The following DGKI variants were observed in gnomAD, a reference collection of about 807,000 sequenced individuals.
DGKI encodes the protein diacylglycerol kinase iota.
Under a neutral mutation model 147.5 loss-of-function variants are expected in DGKI, and 55 were observed. That is an observed-to-expected ratio of 0.37 (90% CI 0.30 to 0.47). The LOEUF (loss-of-function observed/expected upper bound fraction) is 0.47, where lower values mean the gene tolerates loss of function less well. DGKI is among the 20% of genes least tolerant of loss of function. The pLI, the probability that DGKI is intolerant of heterozygous loss-of-function variation, is 1.00. For synonymous variants in DGKI, 469 were observed against 477.1 expected (o/e 0.98, Z 0.22); for missense variants, 1,007 against 1,323.8 (o/e 0.76, Z 3.71).
intron 20 of DGKI, among the ~76,000 whole-genome samples, chr7:137,547,403 T>C (rs1817901241): frequency 6.6e-6 from 1 of 152,232 alleles, no homozygotes; most frequent in Admixed American, 6.5e-5. Context: ...GAAGATCTAG[T>C]GGCATCATGA....
Position 137,387,827 on chromosome 7 carries a change from A to G in DGKI, c.*3393T>C, listed in dbSNP as rs1196158231. 1 of 152,202 alleles carries G rather than the reference A, an allele frequency of 6.6e-6. No individual in the cohort carries two copies. The highest frequency in any genetic ancestry group is 6.5e-5 in the Admixed American group (1 of 15,270). 9.4% of individuals were successfully genotyped at this position (152,202 alleles called of 1,614,324 possible). ...ATTATTAATAAAATTGACATGTAAT[A>G]AAATAAAGATGCTGTGTCATTTTTT... On this transcript the variant is annotated 3_prime_UTR_variant, in exon 33 of 33. Transcript: ENST00000614521.
At chr7:137,398,119 T>A (rs1328364022) in intron 30 of DGKI, among the ~76,000 whole-genome samples, 4 of 152,176 alleles carry the variant, frequency 2.6e-5, no homozygotes, top group African/African-American at 4.8e-5. Flanking sequence ...TTTTTCCCCA[T>A]AAAGCCCTTC....
Position 137,554,687 on chromosome 7 carries a change from T to A in DGKI, c.1948-2119A>T, listed in dbSNP as rs539680263. Among the ~76,000 whole-genome samples the A allele has an allele frequency of 8.5e-5, 13 of 152,098 alleles. No homozygotes were observed. In the South Asian group the frequency reaches 2.7e-3, roughly 32 times the overall value. Reference sequence around the variant, plus strand: ...GCTGTCAGATGGAAAGAACAGGCAATCCTGGGTTGGGGGAGGGGTGAAGCA... The same window carrying A: ...GCTGTCAGATGGAAAGAACAGGCAAACCTGGGTTGGGGGAGGGGTGAAGCA... On this transcript the variant is annotated intron_variant, in intron 19 of 32. Coordinates refer to ENST00000614521, the MANE Select transcript of DGKI (RefSeq NM_001321708.2).
chr7:137,449,349 CT>C (rs1229020513), intron 27 of DGKI, among the ~76,000 whole-genome samples: 1 of 152,176 alleles, frequency 6.6e-6, no homozygotes, highest in Non-Finnish European at 1.5e-5. Flanking sequence ...TTATAGCCAA[CT>C]GATTTTCAGC....
rs1175387892 is a variant in DGKI, at chr7:137,552,661, C to T, written c.1948-93G>A. 5.1e-6 allele frequency: 7 copies of T among 1,370,816 alleles called. No homozygotes were observed. The Admixed American group carries it at 1.3e-4, about 25-fold the overall frequency. 84.9% of individuals were successfully genotyped at this position (1,370,816 alleles called of 1,614,324 possible). On this transcript the variant is annotated intron_variant, in intron 19 of 32. Transcript: ENST00000614521. ...CTGTGGCTCATGCCTGTAATCCCAGCACTTTGGGAGACCAAGGCAGGTGGA... is the reference window on the plus strand; with the variant it reads ...CTGTGGCTCATGCCTGTAATCCCAGTACTTTGGGAGACCAAGGCAGGTGGA...
chr7:137,482,394 T>TC (rs374393694), intron 23 of DGKI, among the ~76,000 whole-genome samples: 2 of 151,996 alleles, frequency 1.3e-5, no homozygotes, highest in African/African-American at 4.8e-5. Flanking sequence ...CAGTGGGCCC[T>TC]CCTCTTTAAC....
chr7:137,493,329 G>T (rs1245677989), intron 21 of DGKI, among the ~76,000 whole-genome samples: 1 of 152,158 alleles, frequency 6.6e-6, no homozygotes, highest in Non-Finnish European at 1.5e-5. Flanking sequence ...GGAAGCCCCT[G>T]GCTCACCAGG....
intron 28 of DGKI, among the ~76,000 whole-genome samples, chr7:137,439,985 G>T (rs1813433083): frequency 6.6e-6 from 1 of 152,176 alleles, no homozygotes; most frequent in African/African-American, 2.4e-5. Context: ...GAGTGTGCTG[G>T]CACAGGTAGC....
chr7:137,840,786 A>T lies in DGKI; in HGVS notation c.401+5676T>A, dbSNP rs150741610. On this transcript the variant is annotated intron_variant, in intron 1 of 32. Transcript: ENST00000614521. ...ATGAATAACAGTAGTAATTTATTTT[A>T]AAATGCCAATGAAATGTATTTATTC... 4.4e-3 allele frequency among the ~76,000 whole-genome samples: 664 copies of T among 152,380 alleles called. 5 individuals are homozygous for T. Among genetic ancestry groups the T allele is most frequent in the African/African-American group, 0.015 (643 of 41,584 alleles).
At chr7:137,620,001 G>T in intron 7 of DGKI, 61 bp from the exon 8 acceptor site, 77 of 825,906 alleles carry the variant, frequency 9.3e-5, no homozygotes, top group Middle Eastern at 3.4e-4. Flanking sequence ...CAGCAAGAAG[G>T]GATAAATATG....
chr7:137,502,574 AG>A (rs1334355382), intron 21 of DGKI, among the ~76,000 whole-genome samples: 4 of 152,068 alleles, frequency 2.6e-5, no homozygotes, highest in African/African-American at 9.7e-5. Context: ...GAGGGCAAGG[AG>A]GAAGGAGAAA....
chr7:137,670,920 T>G (rs1252835213), intron 3 of DGKI, among the ~76,000 whole-genome samples: 2 of 152,206 alleles, frequency 1.3e-5, no homozygotes, highest in Non-Finnish European at 2.9e-5. Flanking sequence ...TGGTGCTCCA[T>G]GTTACACACC....
At chr7:137,695,100 C>T (rs948017089) in intron 1 of DGKI, among the ~76,000 whole-genome samples, 4 of 152,206 alleles carry the variant, frequency 2.6e-5, no homozygotes, top group African/African-American at 4.8e-5. Context: ...TATTATTCTA[C>T]GTTTGTTACC....
chr7:137,395,417 T>C (rs942956621), intron 32 of DGKI, among the ~76,000 whole-genome samples, 181 bp downstream of exon 32: 3 of 152,270 alleles, frequency 2.0e-5, no homozygotes, highest in African/African-American at 7.2e-5. Context: ...CCTCCCTTTG[T>C]GCTTATACAT....
At chr7:137,660,793 A>C (rs1339326105) in intron 3 of DGKI, among the ~76,000 whole-genome samples, 1 of 151,892 alleles carries the variant, frequency 6.6e-6, no homozygotes, top group Non-Finnish European at 1.5e-5. Context: ...CAGGAAAGGA[A>C]GGATGGGAAA....
chr7:137,398,540 C>T (rs529872294), intron 30 of DGKI, among the ~76,000 whole-genome samples: 29 of 152,190 alleles, frequency 1.9e-4, no homozygotes, highest in Non-Finnish European at 5.9e-5. Flanking sequence ...TGGGAATTTG[C>T]TCTCTTTATT....
At chr7:137,743,681 A>T (rs957073737) in intron 1 of DGKI, among the ~76,000 whole-genome samples, 8 of 152,156 alleles carry the variant, frequency 5.3e-5, no homozygotes, top group Non-Finnish European at 2.9e-5. Flanking sequence ...GGAACTAGAA[A>T]AACAAGAACA....
rs116346847 is a variant in DGKI, at chr7:137,442,306, G to T, written c.2761+1771C>A. On this transcript the variant is annotated intron_variant, in intron 28 of 32. Coordinates refer to ENST00000614521, the MANE Select transcript of DGKI (RefSeq NM_001321708.2). ...CTTTCTGTCAGTAGTCACCCTTTAG[G>T]ACTTCAAAGGACCCTGACATATGCC... Among the ~76,000 whole-genome samples the T allele has an allele frequency of 2.4e-3, 360 of 152,170 alleles. 4 individuals carry two copies. The highest frequency in any genetic ancestry group is 8.2e-3 in the African/African-American group (342 of 41,524).
chr7:137,427,936 G>A (rs1406010610), intron 28 of DGKI, among the ~76,000 whole-genome samples: 9 of 151,068 alleles, frequency 6.0e-5, no homozygotes, highest in African/African-American at 9.7e-5. Context: ...AAGAGTCCAC[G>A]ACCAGATGGA....
Sources: allele counts gnomAD v4.1 joint callset (sites outside exome capture counted in the v4.1 genomes callset), GRCh38; gene constraint gnomAD v4.1.1; transcripts MANE v1.5; gene names NCBI Gene and HGNC (gene_info 2026-07-23, HGNC 2026-07-21).